SORCS1: variants seen among roughly 807,000 people sequenced by gnomAD.
SORCS1 encodes the protein sortilin related VPS10 domain containing receptor 1, also known as VPS10 domain-containing receptor SorCS1.
In SORCS1, 60 loss-of-function variants were observed where a neutral mutation model predicts 146.1. The observed-to-expected ratio is 0.41, with a 90% CI of 0.33 to 0.51. SORCS1 has a LOEUF of 0.51. SORCS1 is among the 20% of genes least tolerant of loss of function. SORCS1 has a pLI of 0.21. For missense variants in SORCS1, 1,352 were observed against 1,487.6 expected (o/e 0.91, Z 1.50); for synonymous variants, 637 against 584.0 (o/e 1.09, Z -1.31).
chr10:106,878,071 T>A (rs1337615717), intron 2 of SORCS1, among the ~76,000 whole-genome samples: 6 of 152,142 alleles, frequency 3.9e-5, no homozygotes, highest in Admixed American at 2.0e-4. Flanking sequence ...AATGTCCCCA[T>A]GGTATAAATG....
At chr10:106,688,407 AAAAG>A in intron 9 of SORCS1, 69 bp from the exon 10 acceptor site, 1 of 1,550,096 alleles carries the variant, frequency 6.5e-7, no homozygotes, top group South Asian at 1.2e-5. Context: ...ACTTTTTAAA[AAAAG>A]AAGGCTGTCA....
At chr10:107,002,335 A>T (rs1387837027) in intron 1 of SORCS1, among the ~76,000 whole-genome samples, 1 of 152,232 alleles carries the variant, frequency 6.6e-6, no homozygotes, top group African/African-American at 2.4e-5. Context: ...AACTAAAAAT[A>T]ATTATGGAAT....
rs1554876837 is a variant in SORCS1 at position 106,607,304 on chromosome 10, G to A, written c.3034-7C>T. 2.5e-6 allele frequency: 4 copies of A among 1,613,730 alleles called. No individual in the cohort carries two copies. Among genetic ancestry groups the A allele is most frequent in the Admixed American group, 1.7e-5 (1 of 59,982 alleles). On this transcript the variant is annotated splice_region_variant and splice_polypyrimidine_tract_variant and intron_variant, in intron 22 of 25. Coordinates refer to ENST00000263054, the MANE Select transcript of SORCS1 (RefSeq NM_052918.5). ...GGCCTGGAACCCCTGTGGCCTGAGG[G>A]ACAGACACAGGGGCTCACATTAGTG...
intron 2 of SORCS1, among the ~76,000 whole-genome samples, chr10:106,889,731 C>T (rs185656435): frequency 3.9e-5 from 6 of 152,124 alleles, no homozygotes; most frequent in Admixed American, 2.0e-4. Flanking sequence ...AACCCTGTCT[C>T]TACTAAAAGT....
At chr10:107,057,342 T>C (rs539308501) in intron 1 of SORCS1, among the ~76,000 whole-genome samples, 4 of 152,314 alleles carry the variant, frequency 2.6e-5, no homozygotes, top group African/African-American at 9.6e-5. Context: ...ACTCAGTATC[T>C]AGGTTTAGTT....
intron 1 of SORCS1, among the ~76,000 whole-genome samples, chr10:107,019,873 C>A (rs1958058012): frequency 6.6e-6 from 1 of 152,196 alleles, no homozygotes; most frequent in African/African-American, 2.4e-5. Flanking sequence ...GTTGGATAGA[C>A]AAGGAAAGTA....
chr10:106,712,151 C>A (rs1390379412), intron 6 of SORCS1, among the ~76,000 whole-genome samples: 2 of 152,130 alleles, frequency 1.3e-5, no homozygotes, highest in Non-Finnish European at 2.9e-5. Context: ...GATGCCACAG[C>A]TGAGGAAATG....
At chr10:106,651,109 G>A (rs1051795117) in intron 18 of SORCS1, among the ~76,000 whole-genome samples, 1 of 152,142 alleles carries the variant, frequency 6.6e-6, no homozygotes, top group Non-Finnish European at 1.5e-5. Flanking sequence ...ACACATCAAG[G>A]AGATAATCAG....
At chr10:106,742,315 G>C (rs192856029) in intron 5 of SORCS1, among the ~76,000 whole-genome samples, 1 of 152,278 alleles carries the variant, frequency 6.6e-6, no homozygotes, top group East Asian at 1.9e-4. Context: ...GGGATGGAAC[G>C]CAAGTCTAAA....
At chr10:106,843,689 C>T (rs764406601) in intron 2 of SORCS1, among the ~76,000 whole-genome samples, 2 of 152,198 alleles carry the variant, frequency 1.3e-5, no homozygotes, top group African/African-American at 4.8e-5. Flanking sequence ...CCCACCTTGG[C>T]CCCCCAAAGT....
At chr10:107,010,166 C>G (rs1957634943) in intron 1 of SORCS1, among the ~76,000 whole-genome samples, 2 of 152,154 alleles carry the variant, frequency 1.3e-5, no homozygotes, top group African/African-American at 2.4e-5. Context: ...ATATTTGAAG[C>G]CATGGAGTTT....
intron 5 of SORCS1, among the ~76,000 whole-genome samples, chr10:106,741,889 C>T (rs146992643): frequency 1.2e-4 from 19 of 152,292 alleles, no homozygotes; most frequent in Admixed American, 3.9e-4. Flanking sequence ...AGTTTTTACA[C>T]GGACAGCTCA....
At chr10:106,907,841 C>T (rs1456968459) in intron 2 of SORCS1, among the ~76,000 whole-genome samples, 3 of 151,458 alleles carry the variant, frequency 2.0e-5, no homozygotes, top group Admixed American at 6.6e-5. Flanking sequence ...GCAGGAGAAT[C>T]GCTTGAACCT....
chr10:107,175,164 G>A, the SORCS1 span, among the ~76,000 whole-genome samples: 1 of 152,070 alleles, frequency 6.6e-6, no homozygotes, highest in African/African-American at 2.4e-5. Context: ...TTTATATTTT[G>A]TTTAGGATTT....
intron 1 of SORCS1, among the ~76,000 whole-genome samples, chr10:107,021,696 T>G (rs1958153285): frequency 6.6e-6 from 1 of 152,114 alleles, no homozygotes; most frequent in Non-Finnish European, 1.5e-5. Context: ...TTCTATCATT[T>G]CAAACTGTTA....
chr10:106,881,924 G>T (rs929729677), intron 2 of SORCS1, among the ~76,000 whole-genome samples: 1 of 152,172 alleles, frequency 6.6e-6, no homozygotes, highest in South Asian at 2.1e-4. Flanking sequence ...AATAGAAGTT[G>T]GTTGGTTGCT....
intron 6 of SORCS1, among the ~76,000 whole-genome samples, chr10:106,723,204 A>G (rs572990296): frequency 6.6e-6 from 1 of 152,272 alleles, no homozygotes; most frequent in Non-Finnish European, 1.5e-5. Context: ...GCTCTAAGTT[A>G]TCTTTTGGAC....
At chr10:106,850,194 G>T (rs1014853967) in intron 2 of SORCS1, among the ~76,000 whole-genome samples, 1 of 151,824 alleles carries the variant, frequency 6.6e-6, no homozygotes, top group African/African-American at 2.4e-5. Context: ...CCTCGCTGCC[G>T]CCTTGCAGTT....
At chr10:107,085,163 CAGAT>C (rs1396517384) in intron 1 of SORCS1, among the ~76,000 whole-genome samples, 1 of 152,210 alleles carries the variant, frequency 6.6e-6, no homozygotes, top group African/African-American at 2.4e-5. Context: ...GAGATAGACA[CAGAT>C]AGACAGAGAT....
Sources: gnomAD v4.1 joint callset for allele counts (sites outside exome capture counted in the v4.1 genomes callset) on GRCh38, gnomAD v4.1.1 for gene constraint, MANE v1.5 for transcripts, NCBI Gene and HGNC (gene_info 2026-07-23, HGNC 2026-07-21) for gene names.